RNF216: variants seen among roughly 807,000 people sequenced by gnomAD.
The protein encoded by RNF216 is ring finger protein 216.
In RNF216, 72 loss-of-function variants were observed where a neutral mutation model predicts 110.8. The ratio of observed to expected loss-of-function variants is 0.65; its 90% CI spans 0.54 to 0.79. RNF216 has a LOEUF of 0.79. Among genes scored for constraint, RNF216 ranks in the 30% least tolerant of loss-of-function variants. The pLI is 0.00. For missense variants in RNF216, 1,342 were observed against 1,141.2 expected (o/e 1.18, Z -2.54); for synonymous variants, 495 against 407.5 (o/e 1.21, Z -2.59).
chr7:5,644,827 CTTTTTTTTT>C (rs59440013), intron 14 of RNF216, among the ~76,000 whole-genome samples: 3 of 135,940 alleles, frequency 2.2e-5, no homozygotes, highest in African/African-American at 5.6e-5. Context: ...TTCTTTTTTT[CTTTTTTTTT>C]TTTTTTGAAA....
intron 13 of RNF216, among the ~76,000 whole-genome samples, chr7:5,699,473 A>C (rs1791830250): frequency 1.3e-5 from 2 of 152,326 alleles, no homozygotes; most frequent in South Asian, 4.1e-4. Flanking sequence ...CTATGATGCC[A>C]AACTCCCTGC....
chr7:5,631,837 ACT>A (rs139999858), intron 15 of RNF216, among the ~76,000 whole-genome samples: 2,254 of 152,152 alleles, frequency 0.015, 46 homozygotes, highest in African/African-American at 0.051. Flanking sequence ...TCCACACTTC[ACT>A]GTCAAGCCCA....
chr7:5,743,983 T>C (rs1794904524), intron 3 of RNF216, among the ~76,000 whole-genome samples: 1 of 152,146 alleles, frequency 6.6e-6, no homozygotes, highest in Admixed American at 6.6e-5. Context: ...TACAATGACT[T>C]ACACTCAATC....
At chr7:5,752,752 A>C in intron 3 of RNF216, 94 bp downstream of exon 3, 1 of 1,245,560 alleles carries the variant, frequency 8.0e-7, no homozygotes, top group Non-Finnish European at 1.1e-6. Flanking sequence ...CGAGTACAAG[A>C]GGTGCTGTTC....
At chr7:5,769,076 A>G (rs529170246) in intron 1 of RNF216, among the ~76,000 whole-genome samples, 1 of 151,948 alleles carries the variant, frequency 6.6e-6, no homozygotes, top group Non-Finnish European at 1.5e-5. Context: ...ATTTATGTGA[A>G]GGAGGTAAAA....
At position 5,708,256 on chromosome 7, in the gene RNF216, T is replaced by C. The variant is rs184106369; in HGVS notation, c.2061+3505A>G. Among the ~76,000 whole-genome samples the C allele has an allele frequency of 2.6e-5, 4 of 152,368 alleles. No homozygotes were observed. The East Asian group carries it at 5.8e-4, about 22-fold the overall frequency. ...ATTTTGTATGTGTCTGTTAGGTCTA[T>C]AGTGTTGTTCAAGTCAGCTGTTTCC... is the stretch of plus-strand genomic sequence containing the variant. On this transcript the variant is annotated intron_variant, in intron 13 of 16. Coordinates refer to ENST00000389902, the MANE Select transcript of RNF216 (RefSeq NM_207111.4).
intron 13 of RNF216, among the ~76,000 whole-genome samples, chr7:5,689,575 T>C (rs1791201466): frequency 6.6e-6 from 1 of 151,996 alleles, no homozygotes; most frequent in African/African-American, 2.4e-5. Flanking sequence ...TTCCTACAAG[T>C]TTTTAAAGCA....
chr7:5,674,825 A>G (rs937645695), intron 13 of RNF216, among the ~76,000 whole-genome samples: 1 of 151,750 alleles, frequency 6.6e-6, no homozygotes, highest in Non-Finnish European at 1.5e-5. Flanking sequence ...GCAAAACCCC[A>G]TCTCTACTAA....
intron 1 of RNF216, among the ~76,000 whole-genome samples, chr7:5,772,802 A>T (rs1468366552): frequency 7.1e-6 from 1 of 140,392 alleles, no homozygotes; most frequent in Non-Finnish European, 1.5e-5. Flanking sequence ...TTTGAGACAG[A>T]GTTTCGCTCT....
intron 2 of RNF216, among the ~76,000 whole-genome samples, chr7:5,757,715 A>T (rs1469219481): frequency 6.6e-6 from 1 of 152,226 alleles, no homozygotes; most frequent in African/African-American, 2.4e-5. Flanking sequence ...TGGTTTCCTT[A>T]GGCCTGGAGT....
intron 13 of RNF216, among the ~76,000 whole-genome samples, chr7:5,679,251 C>T (rs1790502586): frequency 6.6e-6 from 1 of 152,288 alleles, no homozygotes; most frequent in South Asian, 2.1e-4. Context: ...GTGGGACAGG[C>T]ATCTGAACAT....
At chr7:5,755,742 A>G (rs1795601960) in intron 2 of RNF216, among the ~76,000 whole-genome samples, 2 of 152,200 alleles carry the variant, frequency 1.3e-5, no homozygotes, top group Non-Finnish European at 2.9e-5. Flanking sequence ...TACTGTGGAT[A>G]GTGCTATTGT....
intron 13 of RNF216, among the ~76,000 whole-genome samples, chr7:5,660,265 CTTTTTTTTTTTTTTTTTTTTTTTTTT>C (rs66617363): frequency 4.2e-3 from 140 of 33,656 alleles, no homozygotes; most frequent in Middle Eastern, 0.024. Flanking sequence ...GTTTTAAATT[CTTTTTTTTTTTTTTTTTTTTTTTTTT>C]TTTTTTTTTT....
intron 13 of RNF216, among the ~76,000 whole-genome samples, chr7:5,684,428 C>T (rs771391003): frequency 8.5e-5 from 13 of 152,078 alleles, no homozygotes; most frequent in South Asian, 2.1e-4. Flanking sequence ...CCTTCTAAGC[C>T]GAGCCTCTGC....
intron 13 of RNF216, among the ~76,000 whole-genome samples, chr7:5,677,765 A>T (rs759077729): frequency 6.6e-6 from 1 of 152,226 alleles, no homozygotes; most frequent in Non-Finnish European, 1.5e-5. Context: ...CCTAGGAATC[A>T]GAGTCTGCCC....
intron 11 of RNF216, chr7:5,713,255 C>CA (rs1792830404): frequency 1.3e-5 from 2 of 159,528 alleles, no homozygotes; most frequent in South Asian, 3.5e-4. Flanking sequence ...GGCAGGGACT[C>CA]AAAGTAATAA....
chr7:5,744,702 T>G (rs550438844), intron 3 of RNF216, among the ~76,000 whole-genome samples: 1 of 152,158 alleles, frequency 6.6e-6, no homozygotes, highest in Admixed American at 6.6e-5. Flanking sequence ...CTAGGCACGG[T>G]TGGCTTATGC....
At chr7:5,642,296 T>C (rs1787785636) in intron 14 of RNF216, among the ~76,000 whole-genome samples, 1 of 151,024 alleles carries the variant, frequency 6.6e-6, no homozygotes, top group South Asian at 2.1e-4. Flanking sequence ...CACTGCAACC[T>C]CCGCCTCCCC....
intron 15 of RNF216, among the ~76,000 whole-genome samples, chr7:5,635,161 C>T (rs552545870): frequency 6.6e-5 from 10 of 152,060 alleles, no homozygotes; most frequent in African/African-American, 2.4e-4. Flanking sequence ...CTCCCAGTCC[C>T]ATGCAGTAAA....
Sources: allele counts gnomAD v4.1 joint callset (sites outside exome capture counted in the v4.1 genomes callset), GRCh38; gene constraint gnomAD v4.1.1; transcripts MANE v1.5; gene names NCBI Gene and HGNC (gene_info 2026-07-23, HGNC 2026-07-21).